Variants in SNRK observed in about 807,000 individuals in gnomAD.
SNRK encodes SNF-related serine/threonine-protein kinase.
Under a neutral mutation model 48.2 loss-of-function variants are expected in SNRK, and 3 were observed. The observed-to-expected ratio is 0.06, with a 90% CI of 0.03 to 0.16. The LOEUF (loss-of-function observed/expected upper bound fraction) is 0.16. Among genes scored for constraint, SNRK ranks in the 10% least tolerant of loss-of-function variants. The pLI, the probability that SNRK is intolerant of heterozygous loss-of-function variation, is 1.00. For missense variants in SNRK, 627 were observed against 976.0 expected (o/e 0.64, Z 4.76); for synonymous variants, 376 against 366.1 (o/e 1.03, Z -0.31).
chr3:43,336,293 TCCC>T (rs1373512510), intron 4 of SNRK, among the ~76,000 whole-genome samples: 1 of 18,682 alleles, frequency 5.4e-5, no homozygotes, highest in Non-Finnish European at 1.5e-3. Context: ...CCTTGCTCTC[TCCC>T]TCCCTTGCTC....
In SNRK at chr3:43,341,713, C is replaced by T. The variant is rs148801937; in HGVS notation, c.944+1214C>T. Reference sequence around the variant, plus strand: ...AGGATTTGATCCAGTTCCCTGACTTCGGGGAAGAGAAGCCTGTTGGCTGGA... The same window carrying T: ...AGGATTTGATCCAGTTCCCTGACTTTGGGGAAGAGAAGCCTGTTGGCTGGA... On this transcript the variant is annotated intron_variant, in intron 5 of 6. Coordinates refer to ENST00000296088, the MANE Select transcript of SNRK (RefSeq NM_017719.5). Among the ~76,000 whole-genome samples the T allele has an allele frequency of 2.6e-3, 389 of 152,306 alleles. 2 individuals carry two copies. The highest frequency in any genetic ancestry group is 9.0e-3 in the African/African-American group (376 of 41,576).
chr3:43,286,584 T>G lies in SNRK; in HGVS notation c.-260T>G, dbSNP rs1207958925. 6.6e-6 allele frequency: 1 copy of G among 150,446 alleles called. No individual in the cohort carries two copies. Among genetic ancestry groups the G allele is most frequent in the African/African-American group, 2.4e-5 (1 of 41,196 alleles). The allele number at this position is 150,446 out of a possible 1,614,324, so 9.3% of individuals were successfully genotyped here. A position where few individuals can be genotyped will look rare whatever the true frequency, so the allele number is the denominator to read the frequency against. The stretch of plus-strand genomic sequence containing the variant: ...CCCGCGGCCGGCAGCCCGCTCGGTA[T>G]TATGATTAGCGCTGGGTGCGGGGTT... On this transcript the variant is annotated 5_prime_UTR_variant, in exon 1 of 7. Transcript: ENST00000296088.
At chr3:43,345,680 A>C (rs530734123) in intron 6 of SNRK, among the ~76,000 whole-genome samples, 1 of 152,308 alleles carries the variant, frequency 6.6e-6, no homozygotes, top group African/African-American at 2.4e-5. Flanking sequence ...GAAGTCCCAG[A>C]TGCCATCTCA....
At chr3:43,330,254 T>C (rs1238347643) in intron 3 of SNRK, among the ~76,000 whole-genome samples, 1 of 151,938 alleles carries the variant, frequency 6.6e-6, no homozygotes, top group Non-Finnish European at 1.5e-5. Context: ...AAATCACCCC[T>C]TTTTTTTGCT....
At chr3:43,321,473 GAC>G (rs1450615093) in intron 3 of SNRK, among the ~76,000 whole-genome samples, 1 of 152,144 alleles carries the variant, frequency 6.6e-6, no homozygotes, top group African/African-American at 2.4e-5. Context: ...AGATGAAATG[GAC>G]TGTCCTAAGT....
At chr3:43,338,847 T>A (rs2091211044) in intron 4 of SNRK, among the ~76,000 whole-genome samples, 1 of 152,218 alleles carries the variant, frequency 6.6e-6, no homozygotes, top group East Asian at 1.9e-4. Context: ...TATAGTAGCT[T>A]TATTTATAGT....
rs371666184 is a variant in SNRK, at chr3:43,325,845, A to G, written c.590-6324A>G. The stretch of plus-strand genomic sequence containing the variant: ...TGGATGAGTATCCATATTGAAACTC[A>G]GCTAAGCAGCCATCAGAGGATTTGA... On this transcript the variant is annotated intron_variant, in intron 3 of 6. Coordinates refer to ENST00000296088, the MANE Select transcript of SNRK (RefSeq NM_017719.5). Among the ~76,000 whole-genome samples the G allele has an allele frequency of 9.2e-5, 14 of 152,294 alleles. No homozygotes were observed. The South Asian group carries it at 2.9e-3, about 32-fold the overall frequency.
intron 4 of SNRK, chr3:43,333,108 G>A (rs1432233807): frequency 6.6e-6 from 1 of 152,036 alleles, no homozygotes; most frequent in East Asian, 1.9e-4. Flanking sequence ...CATCTCAGGT[G>A]GATGTTTAAG....
intron 4 of SNRK, among the ~76,000 whole-genome samples, chr3:43,339,964 A>G (rs1434490693): frequency 1.3e-5 from 2 of 148,258 alleles, no homozygotes; most frequent in African/African-American, 5.0e-5. Flanking sequence ...TCTGTATGTC[A>G]TTGCTGATCC....
chr3:43,324,544 A>C (rs565193587), intron 3 of SNRK, among the ~76,000 whole-genome samples: 1 of 151,912 alleles, frequency 6.6e-6, no homozygotes, highest in East Asian at 1.9e-4. Context: ...TCTTACTGGC[A>C]TTAAATATGC....
rs1193295272 is a variant in SNRK, at chr3:43,348,087, A to G, written c.1828A>G (p.Ser610Gly). 6.3e-7 allele frequency: 1 copy of G among 1,592,240 alleles called. No homozygotes were observed. The highest frequency in any genetic ancestry group is 8.6e-7 in the Non-Finnish European group (1 of 1,169,368). Residue 610 changes from serine (S) to glycine (G), a missense_variant, in exon 7 of 7, where the codon AGC becomes GGC. Physicochemically the swap from Ser to Gly is moderately conservative, Grantham distance 56 (BLOSUM62 0). Around this residue, in one of 4 missense-constraint regions of SNRK, gnomAD observed 207 missense variants for 234.3 expected, o/e 0.88. Coordinates refer to ENST00000296088, the MANE Select transcript of SNRK (RefSeq NM_017719.5). ...ENNAGGGSPS[S>G]GSGGNPTNTS... ...CAATGCTGGTGGGGGCAGTCCCTCC[A>G]GCGGCTCGGGTGGCAACCCCACCAA...
intron 3 of SNRK, among the ~76,000 whole-genome samples, chr3:43,312,661 G>GT (rs1232865717): frequency 2.2e-4 from 33 of 152,222 alleles, no homozygotes; most frequent in African/African-American, 6.7e-4. Context: ...AAATAAAACT[G>GT]TTTCTGCTTC....
At chr3:43,316,910 G>C (rs544861116) in intron 3 of SNRK, among the ~76,000 whole-genome samples, 3 of 152,244 alleles carry the variant, frequency 2.0e-5, no homozygotes, top group South Asian at 2.1e-4. Context: ...GTGCAGGTCA[G>C]ATTACCACAC....
At chr3:43,335,359 A>G (rs948188791) in intron 4 of SNRK, among the ~76,000 whole-genome samples, 10 of 152,134 alleles carry the variant, frequency 6.6e-5, no homozygotes, top group Non-Finnish European at 1.5e-4. Flanking sequence ...GGTGTTTTAC[A>G]TTTCCAAATG....
intron 3 of SNRK, among the ~76,000 whole-genome samples, chr3:43,313,521 G>C (rs1187383271): frequency 6.6e-6 from 1 of 152,268 alleles, no homozygotes; most frequent in Middle Eastern, 3.4e-3. Context: ...GAACAGATTG[G>C]TGGCTGCCAG....
intron 6 of SNRK, among the ~76,000 whole-genome samples, chr3:43,346,371 A>G (rs551070473): frequency 3.9e-5 from 6 of 152,184 alleles, no homozygotes; most frequent in Non-Finnish European, 5.9e-5. Flanking sequence ...CTATATGACT[A>G]TACCCCCCTG....
rs375791702 is a variant in SNRK at position 43,345,541 on chromosome 3, G to A, written c.1080-1798G>A. Among the ~76,000 whole-genome samples, 6 of 152,244 alleles carry A rather than the reference G, an allele frequency of 3.9e-5. No homozygotes were observed. The South Asian group carries it at 1.0e-3, about 26-fold the overall frequency. ...GAGACTGATATCCAGTCTCCTAGCC[G>A]GGCTGGGTGTCTTCACAAGCAGTTC... On this transcript the variant is annotated intron_variant, in intron 6 of 6. Transcript: ENST00000296088.
At chr3:43,288,024 C>G (rs1221946313) in intron 1 of SNRK, among the ~76,000 whole-genome samples, 1 of 152,050 alleles carries the variant, frequency 6.6e-6, no homozygotes, top group African/African-American at 2.4e-5. Flanking sequence ...ACACCAAATA[C>G]CAAATTTTTA....
At chr3:43,310,781 T>TGTA (rs1345937937) in intron 3 of SNRK, among the ~76,000 whole-genome samples, 2 of 152,354 alleles carry the variant, frequency 1.3e-5, no homozygotes, top group East Asian at 3.9e-4. Flanking sequence ...TAATTTTCTT[T>TGTA]GTAGAACTAC....
Sources: gnomAD v4.1 joint callset for allele counts (sites outside exome capture counted in the v4.1 genomes callset) on GRCh38, gnomAD v4.1.1 for gene constraint, gnomAD v4.1.1 regional missense constraint, MANE v1.5 for transcripts, NCBI Gene and HGNC (gene_info 2026-07-23, HGNC 2026-07-21) for gene names.